TAB2: variants seen among roughly 807,000 people sequenced by gnomAD.
The protein encoded by TAB2 is TGF-beta-activated kinase 1 and MAP3K7-binding protein 2.
A neutral mutation model predicts 65.0 loss-of-function variants in TAB2; 3 were observed. That is an observed-to-expected ratio of 0.05 (90% CI 0.02 to 0.12). TAB2 has a LOEUF of 0.12. Among genes scored for constraint, TAB2 ranks in the 10% least tolerant of loss-of-function variants. TAB2 has a pLI of 1.00. For synonymous variants in TAB2, 298 were observed against 285.1 expected (o/e 1.05, Z -0.46); for missense variants, 623 against 840.3 (o/e 0.74, Z 3.20).
intron 1 of TAB2, among the ~76,000 whole-genome samples, chr6:149,310,670 T>G (rs1344899185): frequency 1.3e-5 from 2 of 152,168 alleles, no homozygotes; most frequent in Non-Finnish European, 2.9e-5. Flanking sequence ...CTCATCCTTT[T>G]ACATCTGAAT....
chr6:149,346,430 T>A (rs1054905112), intron 1 of TAB2: 1 of 149,430 alleles, frequency 6.7e-6, no homozygotes, highest in Non-Finnish European at 1.5e-5. Flanking sequence ...TGCATGGGGA[T>A]CAGATCAGTT....
At chr6:149,368,578 T>G (rs1466626953) in intron 1 of TAB2, among the ~76,000 whole-genome samples, 1 of 152,074 alleles carries the variant, frequency 6.6e-6, no homozygotes, top group African/African-American at 2.4e-5. Flanking sequence ...TAAATGTCCT[T>G]TACTCATTTC....
chr6:149,386,468 T>C (rs1172440437), intron 3 of TAB2, among the ~76,000 whole-genome samples: 1 of 151,752 alleles, frequency 6.6e-6, no homozygotes, highest in African/African-American at 2.4e-5. Flanking sequence ...CCACCCTCAC[T>C]CAGCACTAGG....
At chr6:149,370,785 G>A (rs559505287) in intron 2 of TAB2, among the ~76,000 whole-genome samples, 11 of 152,146 alleles carry the variant, frequency 7.2e-5, no homozygotes, top group Non-Finnish European at 4.4e-5. Context: ...TGTATTTGGG[G>A]CCATGTGCTG....
At chr6:149,359,059 T>C (rs1780762681) in intron 1 of TAB2, among the ~76,000 whole-genome samples, 1 of 152,184 alleles carries the variant, frequency 6.6e-6, no homozygotes, top group Non-Finnish European at 1.5e-5. Flanking sequence ...TAAATATTTT[T>C]ATTTTATAGC....
chr6:149,370,185 C>A (rs1781174243), intron 2 of TAB2, 86 bp downstream of exon 2: 1 of 1,166,728 alleles, frequency 8.6e-7, no homozygotes, highest in East Asian at 2.4e-5. Flanking sequence ...AGGTTATCTT[C>A]TTGTTGGTGT....
intron 1 of TAB2, among the ~76,000 whole-genome samples, chr6:149,364,538 A>G (rs1450116358): frequency 6.6e-6 from 1 of 151,926 alleles, no homozygotes; most frequent in African/African-American, 2.4e-5. Flanking sequence ...ATAAACGTGT[A>G]TTTATGTGCC....
At chr6:149,263,229 A>C (rs1002287776) in intron 1 of TAB2, among the ~76,000 whole-genome samples, 3 of 152,214 alleles carry the variant, frequency 2.0e-5, no homozygotes, top group African/African-American at 7.2e-5. Context: ...TTTGATAATC[A>C]TGTTTAATTT....
intron 1 of TAB2, among the ~76,000 whole-genome samples, chr6:149,279,220 A>T (rs897828133): frequency 6.6e-6 from 1 of 152,156 alleles, no homozygotes; most frequent in Non-Finnish European, 1.5e-5. Context: ...ATTCTGTGTC[A>T]TTTGACTGTG....
At chr6:149,321,554 C>G (rs1779456241) in intron 1 of TAB2, among the ~76,000 whole-genome samples, 1 of 152,180 alleles carries the variant, frequency 6.6e-6, no homozygotes, top group Admixed American at 6.5e-5. Context: ...TGGTACTTAA[C>G]CTACATTCAT....
At chr6:149,263,813 A>T (rs1418431498) in intron 1 of TAB2, among the ~76,000 whole-genome samples, 1 of 152,240 alleles carries the variant, frequency 6.6e-6, no homozygotes, top group African/African-American at 2.4e-5. Context: ...AGGTCTCCCA[A>T]GCATTCCGTA....
intron 3 of TAB2, among the ~76,000 whole-genome samples, chr6:149,391,051 G>A (rs1781967141): frequency 6.6e-6 from 1 of 152,068 alleles, no homozygotes; most frequent in South Asian, 2.1e-4. Flanking sequence ...GCTAGAACAT[G>A]TCTTTAAGTA....
At position 149,379,060 on chromosome 6, in the gene TAB2, G is replaced by A. The variant is rs532837920; in HGVS notation, c.1145G>A (p.Arg382His). 1.3e-4 allele frequency: 203 copies of A among 1,614,126 alleles called. No individual in the cohort carries two copies. Among genetic ancestry groups the A allele is most frequent in the Middle Eastern group, 1.6e-4 (1 of 6,062 alleles). Residue 382 changes from arginine to histidine, a missense_variant, in exon 3 of 7, where the codon CGT (arginine) becomes CAT (histidine). Around this residue, in one of 3 missense-constraint regions of TAB2, gnomAD observed 550 missense variants for 665.7 expected, o/e 0.83. Transcript: ENST00000637181. ...CCAAATACGGATGAGCTGATGTCCC[G>A]TAGTCAACCTAAGGTCTATATTTCA... Reference protein sequence around the residue: ...SPPNTDELMSRSQPKVYISAN... With the variant: ...SPPNTDELMSHSQPKVYISAN...
upstream of TAB2, among the ~76,000 whole-genome samples, chr6:149,314,231 C>A (rs1779212209): frequency 6.6e-6 from 1 of 152,216 alleles, no homozygotes; most frequent in Non-Finnish European, 1.5e-5. Flanking sequence ...GCTATCTGGT[C>A]TTTGTGCCTT....
At chr6:149,253,921 C>CGAAAGAAAGAAAGAAAGAAA (rs375406263) in intron 1 of TAB2, among the ~76,000 whole-genome samples, 9 of 74,990 alleles carry the variant, frequency 1.2e-4, no homozygotes, top group South Asian at 4.5e-4. Context: ...GACTCCATCT[C>CGAAAGAAAGAAAGAAAGAAA]GAAAGAAAGA....
chr6:149,360,935 C>T (rs1230870955), intron 1 of TAB2, among the ~76,000 whole-genome samples: 1 of 152,204 alleles, frequency 6.6e-6, no homozygotes, highest in East Asian at 1.9e-4. Flanking sequence ...AATCTTAAAG[C>T]TCCAAAATAA....
At chr6:149,363,588 A>G (rs746559814) in intron 1 of TAB2, among the ~76,000 whole-genome samples, 1 of 152,198 alleles carries the variant, frequency 6.6e-6, no homozygotes, top group African/African-American at 2.4e-5. Context: ...ATCTTTAAAC[A>G]TGCTCTTCAG....
chr6:149,223,380 A>G (rs544170140), intron 1 of TAB2, among the ~76,000 whole-genome samples: 1 of 152,338 alleles, frequency 6.6e-6, no homozygotes, highest in African/African-American at 2.4e-5. Context: ...AATTAAAACA[A>G]CTGATTTCTA....
At chr6:149,312,780 G>A (rs1357213732), upstream of TAB2, among the ~76,000 whole-genome samples, 4 of 152,190 alleles carry the variant, frequency 2.6e-5, no homozygotes, top group Non-Finnish European at 4.4e-5. Context: ...TGTACAACAC[G>A]ATGTCTTGTA....
Sources: gnomAD v4.1 joint callset for allele counts (sites outside exome capture counted in the v4.1 genomes callset) on GRCh38, gnomAD v4.1.1 for gene constraint, gnomAD v4.1.1 regional missense constraint, MANE v1.5 for transcripts, NCBI Gene and HGNC (gene_info 2026-07-23, HGNC 2026-07-21) for gene names.